Variants in SDF4 observed in about 807,000 individuals in gnomAD.
SDF4 encodes stromal cell derived factor 4.
SDF4 carries 22 observed loss-of-function variants against 34.2 expected under a neutral mutation model. That is an observed-to-expected ratio of 0.64 (90% CI 0.46 to 0.92). SDF4 has a LOEUF of 0.92. Ranked by LOEUF, SDF4 falls within the 40% of genes least tolerant of loss-of-function variation. The pLI is 0.00. For synonymous variants in SDF4, 236 were observed against 203.1 expected (o/e 1.16, Z -1.38); for missense variants, 447 against 499.9 (o/e 0.89, Z 1.01).
chr1:1,220,402 G>A (rs1055113558), intron 4 of SDF4: 30 of 1,166,614 alleles, frequency 2.6e-5, no homozygotes, highest in East Asian at 1.2e-4. Flanking sequence ...CCGGACTCAC[G>A]CGGTGACCCT....
intron 2 of SDF4, among the ~76,000 whole-genome samples, chr1:1,227,519 C>T (rs2100983836): frequency 1.3e-5 from 2 of 152,244 alleles, no homozygotes; most frequent in Admixed American, 1.3e-4. Context: ...CCTCCTTGTG[C>T]CCAGGTCTCG....
chr1:1,226,615 C>T (rs1235710942), intron 2 of SDF4, among the ~76,000 whole-genome samples: 3 of 149,750 alleles, frequency 2.0e-5, no homozygotes, highest in Non-Finnish European at 4.5e-5. Context: ...AGAAGGGACC[C>T]GCGTGTGGGA....
chr1:1,225,285 G>A (rs6671424), intron 2 of SDF4, among the ~76,000 whole-genome samples: 18,043 of 152,214 alleles, frequency 0.12, 1,240 homozygotes, highest in African/African-American at 0.18. Flanking sequence ...TGCGTTTGCC[G>A]GAGGCATCCC....
chr1:1,228,756 C>A lies in SDF4; in HGVS notation c.17G>T (p.Gly6Val), dbSNP rs753274094. 2.9e-5 allele frequency: 47 copies of A among 1,610,708 alleles called. No individual in the cohort carries two copies. The highest frequency in any genetic ancestry group is 4.0e-5 in the Non-Finnish European group (47 of 1,179,570). ...GCACGGAGCCAGGCCAATGAGGGGA[C>A]CCCACCTGGACGCCATCGCCACCCA... MASRW[G>V]PLIGLAPCCL... Residue 6 changes from glycine (G) to valine (V), a missense_variant, in exon 2 of 7, where the codon GGT becomes GTT. Transcript: ENST00000360001.
At chr1:1,219,393 T>C in intron 4 of SDF4, 1 of 1,027,540 alleles carries the variant, frequency 9.7e-7, no homozygotes, top group Non-Finnish European at 1.2e-6. Context: ...CCCCTCAGGA[T>C]GGGCCTGGGC....
At chr1:1,226,888 G>A (rs1195003978) in intron 2 of SDF4, among the ~76,000 whole-genome samples, 1 of 152,176 alleles carries the variant, frequency 6.6e-6, no homozygotes, top group South Asian at 2.1e-4. Flanking sequence ...GTGATGCCGC[G>A]AGCCAGGCCT....
intron 2 of SDF4, among the ~76,000 whole-genome samples, chr1:1,224,650 C>T (rs1326326950): frequency 6.6e-6 from 1 of 152,192 alleles, no homozygotes; most frequent in African/African-American, 2.4e-5. Flanking sequence ...AGTGGCCACA[C>T]CTATAATCCC....
In SDF4 at chr1:1,228,884, G is replaced by C; in HGVS notation, c.-112C>G. The stretch of plus-strand genomic sequence containing the variant: ...AGGTCCTGGCTCCAATCCAATCCCC[G>C]GGCACCACGGAGGGCTCTGTGTCCC... On this transcript the variant is annotated 5_prime_UTR_variant, in exon 2 of 7. Coordinates refer to ENST00000360001, the MANE Select transcript of SDF4 (RefSeq NM_016176.6). The C allele has an allele frequency of 9.9e-7, 1 of 1,012,360 alleles. No individual in the cohort carries two copies. Among genetic ancestry groups the C allele is most frequent in the South Asian group, 1.6e-5 (1 of 61,842 alleles). The allele number at this position is 1,012,360 out of a possible 1,614,324, so 62.7% of individuals were successfully genotyped here.
chr1:1,225,129 C>T (rs1638255932), intron 2 of SDF4, among the ~76,000 whole-genome samples: 1 of 152,162 alleles, frequency 6.6e-6, no homozygotes, highest in African/African-American at 2.4e-5. Flanking sequence ...CTCGGCTTCA[C>T]CATTATGTCT....
chr1:1,219,064 C>A (rs1027461180), intron 4 of SDF4, 137 bp from the exon 5 acceptor site: 2 of 1,572,856 alleles, frequency 1.3e-6, no homozygotes, highest in Non-Finnish European at 8.6e-7. Flanking sequence ...AGGATTCACA[C>A]GTCCCCAGAA....
At chr1:1,219,952 C>G in intron 4 of SDF4, 1 of 985,738 alleles carries the variant, frequency 1.0e-6, no homozygotes, top group Non-Finnish European at 1.2e-6. Flanking sequence ...GACCGGTTCA[C>G]TTAAAGGAAG....
chr1:1,223,250 C>A lies in SDF4; in HGVS notation c.550G>T (p.Glu184Ter), dbSNP rs567208985. Residue 184 changes from glutamate to a stop codon, truncating the protein, a stop_gained, in exon 4 of 7, where the codon GAG becomes TAG. Transcript: ENST00000360001. LOFTEE classifies it high-confidence loss of function. ...AGCCTGGCTGAGCACTCACTTTCCT[C>A]ATCCACTTTGAGTTCCTCGTTGAGC... ...IRLNEELKVD[E>*]ETQEVLENLK... The A allele has an allele frequency of 2.5e-6, 4 of 1,611,606 alleles. No individual in the cohort carries two copies. Among genetic ancestry groups the A allele is most frequent in the Non-Finnish European group, 3.4e-6 (4 of 1,177,860 alleles).
rs370739366 is a variant in SDF4 at position 1,218,725 on chromosome 1, G to A, written c.715+44C>T. 5.6e-6 allele frequency: 9 copies of A among 1,611,266 alleles called. No homozygotes were observed. The highest frequency in any genetic ancestry group is 3.3e-5 in the South Asian group (3 of 91,000). ...CGACGATGCCCGGCCCCTGCCAGTC[G>A]GTCCTGGGTCCTGGCGTGCCGGCCA... On this transcript the variant is annotated intron_variant, in intron 5 of 6. Transcript: ENST00000360001. The surrounding 1 kb of genome is among the most constrained non-coding windows in gnomAD (Gnocchi z 7.9).
chr1:1,223,464 C>T (rs1328849652), intron 3 of SDF4, 107 bp from the exon 4 acceptor site: 1 of 871,428 alleles, frequency 1.1e-6, no homozygotes, highest in Non-Finnish European at 1.8e-6. Flanking sequence ...CGGCAGGATG[C>T]CAGCGTCTGG....
chr1:1,217,846 G>A lies in SDF4; in HGVS notation c.892-158C>T. 1 of 1,515,290 alleles carries A rather than the reference G, an allele frequency of 6.6e-7. No homozygotes were observed. The highest frequency in any genetic ancestry group is 8.8e-7 in the Non-Finnish European group (1 of 1,138,150). 93.9% of individuals were successfully genotyped at this position (1,515,290 alleles called of 1,614,324 possible). A position where few individuals can be genotyped will look rare whatever the true frequency, so the allele number is the denominator to read the frequency against. On this transcript the variant is annotated intron_variant, in intron 6 of 6. Coordinates refer to ENST00000360001, the MANE Select transcript of SDF4 (RefSeq NM_016176.6). The surrounding 1 kb of genome is among the most constrained non-coding windows in gnomAD (Gnocchi z 8.5). ...GGGAGGCGGCACAAATGAAAACACA[G>A]GGCAGGGAGAAGCCGGGGGCCCCGG...
intron 4 of SDF4, among the ~76,000 whole-genome samples, chr1:1,221,615 G>C (rs939106358): frequency 1.3e-5 from 2 of 152,058 alleles, no homozygotes; most frequent in African/African-American, 4.8e-5. Context: ...TCCAGCCTGG[G>C]CAACAGTGAG....
rs1296297633 is a variant in SDF4 at position 1,228,536 on chromosome 1, G to A, written c.237C>T (p.Asp79=). The A allele has an allele frequency of 1.2e-6, 2 of 1,612,912 alleles. No homozygotes were observed. The highest frequency in any genetic ancestry group is 1.7e-5 in the Admixed American group (1 of 60,016). ...CCGCGTCCTCATCAAAGCCACCCAGGTCCTTGCCTAGGAAGACCTCCTGGT... is the reference window on the plus strand; with the variant it reads ...CCGCGTCCTCATCAAAGCCACCCAGATCCTTGCCTAGGAAGACCTCCTGGT... ...GFHQEVFLGK[D]LGGFDEDAEP... Residue 79 remains aspartate, a synonymous_variant, in exon 2 of 7, where the codon GAC becomes GAT. Transcript: ENST00000360001.
chr1:1,219,809 T>C, intron 4 of SDF4: 1 of 985,854 alleles, frequency 1.0e-6, no homozygotes, highest in Non-Finnish European at 1.2e-6. Flanking sequence ...CTCAGCCCCC[T>C]GCACGTGAGG....
chr1:1,225,136 G>A (rs1181909536), intron 2 of SDF4, among the ~76,000 whole-genome samples: 1 of 152,214 alleles, frequency 6.6e-6, no homozygotes, highest in Non-Finnish European at 1.5e-5. Flanking sequence ...TCACCATTAT[G>A]TCTTTGTGGA....
Sources: allele counts gnomAD v4.1 joint callset (sites outside exome capture counted in the v4.1 genomes callset), GRCh38; gene constraint gnomAD v4.1.1; non-coding constraint Gnocchi (gnomAD v3.1); transcripts MANE v1.5; gene names NCBI Gene and HGNC (gene_info 2026-07-23, HGNC 2026-07-21).